MICB: variants seen among roughly 807,000 people sequenced by gnomAD.
MICB encodes MHC class I polypeptide-related sequence B, also known as MHC class I antigen-related protein B.
Under a neutral mutation model 34.3 loss-of-function variants are expected in MICB, and 27 were observed. The observed-to-expected ratio is 0.79, with a 90% CI of 0.58 to 1.08. MICB has a LOEUF of 1.08. Among genes scored for constraint, MICB ranks in the 50% least tolerant of loss-of-function variants. The pLI, the probability that MICB is intolerant of heterozygous loss-of-function variation, is 0.00. For missense variants in MICB, 426 were observed against 483.1 expected, an observed-to-expected ratio of 0.88 and a Z score of 1.11; for synonymous variants, 153 against 187.4, an observed-to-expected ratio of 0.82 and a Z score of 1.50.
intron 5 of MICB, among the ~76,000 whole-genome samples, chr6:31,508,737 C>A (rs3134893): frequency 0.77 from 117,661 of 152,174 alleles, 45,734 homozygotes; most frequent in East Asian, 0.88. Flanking sequence ...GTGCCAGTTT[C>A]TCAAAATTCC....
In MICB at chr6:31,505,719, G is replaced by T. The variant is rs1216258695; in HGVS notation, c.173G>T (p.Arg58Leu). 1 of 1,613,136 alleles carries T rather than the reference G, an allele frequency of 6.2e-7. No individual in the cohort carries two copies. Among genetic ancestry groups the T allele is most frequent in the Admixed American group, 1.7e-5 (1 of 60,030 alleles). The change falls in exon 2 of 6, where the codon CGC becomes CTC. Residue 58 changes from arginine to leucine, a missense_variant. Physicochemically the swap from Arg to Leu is moderately radical, Grantham distance 102. Transcript: ENST00000252229. Reference protein sequence around the residue: ...EGHLDGQPFLRYDRQKRRAKP... With the variant: ...EGHLDGQPFLLYDRQKRRAKP... ...CATCTGGATGGTCAGCCCTTCCTGCGCTATGACAGGCAGAAACGCAGGGCA... is the reference window on the plus strand; with the variant it reads ...CATCTGGATGGTCAGCCCTTCCTGCTCTATGACAGGCAGAAACGCAGGGCA...
At chr6:31,497,487 A>G (rs754048221), upstream of MICB, among the ~76,000 whole-genome samples, 13 of 152,052 alleles carry the variant, frequency 8.5e-5, no homozygotes, top group Non-Finnish European at 2.9e-5. Context: ...GAGACCTCAG[A>G]CACTTAGAGG....
Position 31,507,906 on chromosome 6 carries a change from A to G in MICB, c.1024+375A>G, listed in dbSNP as rs1280096537. 6.6e-6 allele frequency among the ~76,000 whole-genome samples: 1 copy of G among 152,080 alleles called. No individual in the cohort carries two copies. The highest frequency in any genetic ancestry group is 1.5e-5 in the Non-Finnish European group (1 of 67,982). On this transcript the variant is annotated intron_variant, in intron 5 of 5. Transcript: ENST00000252229. This position sits in a 1 kb window ranked among gnomAD's most constrained non-coding sequence, Gnocchi z 6.0. ...CTGATTGCTGAGGGCCTGGATGATC[A>G]TGGTGTCAGAGGGAGGAAATAGTAA...
chr6:31,497,645 A>G (rs1016619341), upstream of MICB, among the ~76,000 whole-genome samples: 2 of 152,170 alleles, frequency 1.3e-5, no homozygotes, highest in African/African-American at 4.8e-5. Flanking sequence ...AGATCTGGAA[A>G]CAGGTCTGCA....
chr6:31,498,412 C>T, intron 1 of MICB, 149 bp downstream of exon 1: 1 of 429,014 alleles, frequency 2.3e-6, no homozygotes, highest in East Asian at 5.8e-5. Context: ...CCTGTTCCCG[C>T]CACACCTCAG....
chr6:31,498,250 G>C lies in MICB; in HGVS notation c.57G>C (p.Pro19=), dbSNP rs760635977. The C allele has an allele frequency of 1.0e-5, 16 of 1,573,860 alleles. No individual in the cohort carries two copies. In the East Asian group the frequency reaches 3.7e-4, roughly 37 times the overall value. The part of the protein sequence containing the change: ...FLAVAFPFAP[P]AAAAEPHSLR... The stretch of plus-strand genomic sequence containing the variant: ...CCGTCGCCTTCCCTTTTGCACCCCC[G>C]GCAGCCGCCGCTGGTGAGTGGGGTT... Residue 19 remains proline, a synonymous_variant, in exon 1 of 6, where the codon CCG becomes CCC. Coordinates refer to ENST00000252229, the MANE Select transcript of MICB (RefSeq NM_005931.5).
chr6:31,510,643 T>C lies in MICB; in HGVS notation c.*734T>C, dbSNP rs1765621144. Reference sequence around the variant, plus strand: ...TCACTGCAACCTCTGCCTCCCAGGTTCAAGCACTTCTCGTACCTCAGACTC... The same window carrying C: ...TCACTGCAACCTCTGCCTCCCAGGTCCAAGCACTTCTCGTACCTCAGACTC... On this transcript the variant is annotated 3_prime_UTR_variant, in exon 6 of 6. Transcript: ENST00000252229. The C allele has an allele frequency of 6.6e-6, 1 of 152,150 alleles. No homozygotes were observed. The highest frequency in any genetic ancestry group is 1.5e-5 in the Non-Finnish European group (1 of 68,036). The allele number at this position is 152,150 out of a possible 1,614,324, so 9.4% of individuals were successfully genotyped here.
chr6:31,504,597 A>G (rs1765196085), intron 1 of MICB, among the ~76,000 whole-genome samples: 1 of 151,586 alleles, frequency 6.6e-6, no homozygotes. Context: ...ATGACTTGCA[A>G]TATTTATTTC....
At chr6:31,508,535 G>T (rs1454353999) in intron 5 of MICB, among the ~76,000 whole-genome samples, 2 of 152,094 alleles carry the variant, frequency 1.3e-5, no homozygotes, top group Admixed American at 1.3e-4. Context: ...GGGAAGGTTC[G>T]TCCCCTGCCC....
Position 31,505,888 on chromosome 6 carries a change from G to T in MICB, c.325+17G>T. 1 of 1,583,264 alleles carries T rather than the reference G, an allele frequency of 6.3e-7. No individual in the cohort carries two copies. The stretch of plus-strand genomic sequence containing the variant: ...AGAAAGGAGGTGAGAGTCGGCAGGG[G>T]CAAGAGTAATGGGAGGCCTTCTCCA... On this transcript the variant is annotated intron_variant, in intron 2 of 5. Transcript: ENST00000252229.
chr6:31,498,365 C>T, intron 1 of MICB, 102 bp downstream of exon 1: 2 of 936,962 alleles, frequency 2.1e-6, no homozygotes, highest in Non-Finnish European at 3.0e-6. Context: ...GGGCGGGGCT[C>T]AGGTGTGCTG....
chr6:31,498,377 C>A (rs903792704), intron 1 of MICB, 114 bp downstream of exon 1: 2 of 722,942 alleles, frequency 2.8e-6, no homozygotes, highest in Non-Finnish European at 4.0e-6. Context: ...GGTGTGCTGT[C>A]TGGAGTGCAG....
chr6:31,505,149 C>T (rs756289491), intron 1 of MICB, among the ~76,000 whole-genome samples: 11 of 151,330 alleles, frequency 7.3e-5, no homozygotes, highest in South Asian at 2.1e-4. Context: ...CCCCACCATG[C>T]CCATGATGAG....
Position 31,505,648 on chromosome 6 carries a change from G to T in MICB, c.102G>T (p.Val34=), listed in dbSNP as rs201012121. 378 of 1,612,700 alleles carry T rather than the reference G, an allele frequency of 2.3e-4. 3 individuals are homozygous for T. Among genetic ancestry groups the T allele is most frequent in the Admixed American group, 8.3e-5 (5 of 60,002 alleles). Reference sequence around the variant, plus strand: ...ACAGTCTTCGTTACAACCTCATGGTGCTGTCCCAGGATGGATCTGTGCAGT... The same window carrying T: ...ACAGTCTTCGTTACAACCTCATGGTTCTGTCCCAGGATGGATCTGTGCAGT... The part of the protein sequence containing the change: ...EPHSLRYNLM[V]LSQDGSVQSG... The change falls in exon 2 of 6, where the codon GTG becomes GTT. Residue 34 remains valine, a synonymous_variant. Transcript: ENST00000252229.
rs181830939 is a variant in MICB at position 31,499,388 on chromosome 6, T to C, written c.70+1125T>C. Among the ~76,000 whole-genome samples the C allele has an allele frequency of 9.9e-4, 151 of 152,012 alleles. 1 individual carries two copies. The highest frequency in any genetic ancestry group is 4.9e-3 in the Admixed American group (75 of 15,278). On this transcript the variant is annotated intron_variant, in intron 1 of 5. Transcript: ENST00000252229. Reference sequence around the variant, plus strand: ...CCTGTGTGCTGTTCTCTGATCCATTTCTAGGGTGTCCTCTGCCTTCATCCC... The same window carrying C: ...CCTGTGTGCTGTTCTCTGATCCATTCCTAGGGTGTCCTCTGCCTTCATCCC...
chr6:31,509,764 C>T lies in MICB; in HGVS notation c.1025-18C>T, dbSNP rs757358512. On this transcript the variant is annotated intron_variant, in intron 5 of 5. Transcript: ENST00000252229. ...CACTGCACCCAGTGGAGCATTTACC[C>T]GTTTCCCTCTTCTCCAGAGCTTGTG... is the stretch of plus-strand genomic sequence containing the variant. 1.7e-5 allele frequency: 27 copies of T among 1,600,518 alleles called. No individual in the cohort carries two copies. In the Middle Eastern group the frequency reaches 1.2e-3, roughly 69 times the overall value.
chr6:31,494,977 G>C (rs9267350), upstream of MICB: 51,219 of 153,914 alleles, frequency 0.33, 8,780 homozygotes, highest in East Asian at 0.46. Context: ...CTCTGTGCTC[G>C]TGAGTCCAGG....
intron 3 of MICB, among the ~76,000 whole-genome samples, chr6:31,506,732 C>T (rs1259354087): frequency 6.6e-6 from 1 of 152,156 alleles, no homozygotes; most frequent in Non-Finnish European, 1.5e-5. Context: ...TGCCTCCCGG[C>T]CTGCCCATCC....
At chr6:31,498,285 C>G (rs775531789) in intron 1 of MICB, 22 bp downstream of exon 1, 2 of 1,532,280 alleles carry the variant, frequency 1.3e-6, no homozygotes, top group Non-Finnish European at 1.8e-6. Flanking sequence ...TCCTGGCGGT[C>G]CCCGGCGGAG....
Sources: allele counts gnomAD v4.1 joint callset (sites outside exome capture counted in the v4.1 genomes callset), GRCh38; gene constraint gnomAD v4.1.1; non-coding constraint Gnocchi (gnomAD v3.1); transcripts MANE v1.5; gene names NCBI Gene and HGNC (gene_info 2026-07-23, HGNC 2026-07-21).